Variants in UGT2B11 observed in about 807,000 individuals in gnomAD.
The protein encoded by UGT2B11 is UDP glucuronosyltransferase family 2 member B11.
A neutral mutation model predicts 51.7 loss-of-function variants in UGT2B11; 49 were observed. The observed-to-expected ratio is 0.95, with a 90% confidence interval of 0.75 to 1.20. The LOEUF (loss-of-function observed/expected upper bound fraction) is 1.20. Ranked by LOEUF, UGT2B11 falls within the 50% of genes most tolerant of loss-of-function variation. UGT2B11 has a pLI of 0.00. For synonymous variants in UGT2B11, 273 were observed against 209.0 expected (o/e 1.31, Z -2.64); for missense variants, 810 against 622.1 (o/e 1.30, Z -3.21).
At position 69,214,545 on chromosome 4, in the gene UGT2B11, C is replaced by A; in HGVS notation, c.178G>T (p.Ala60Ser). The A allele has an allele frequency of 6.2e-7, 1 of 1,613,164 alleles. No individual in the cohort carries two copies. Among genetic ancestry groups the A allele is most frequent in the Non-Finnish European group, 8.5e-7 (1 of 1,179,482 alleles). Residue 60 changes from alanine to serine, a missense_variant, in exon 1 of 6, where the codon GCT becomes TCT. Transcript: ENST00000446444. The stretch of plus-strand genomic sequence containing the variant: ...TCATTGGGATCAAAAAGAATGGAAG[C>A]TGAAGATGCCAGTACAGTCACCTCA... ...GHEVTVLASS[A>S]SILFDPNDAS...
rs4694697 is a variant in UGT2B11, at chr4:69,214,120, T to C, written c.603A>G (p.Leu201=). The C allele has an allele frequency of 0.44, 711,078 of 1,611,072 alleles. 162,440 individuals are homozygous for C. Among genetic ancestry groups the C allele is most frequent in the Non-Finnish European group, 0.48 (563,611 of 1,178,480 alleles). Residue 201 remains leucine (L), a synonymous_variant, in exon 1 of 6, where the codon TTA becomes TTG. Transcript: ENST00000446444. ...PSYIPIVMSK[L]SDQMTFMERV... ...TCTCCATGAAAGTCATTTGATCACT[T>C]AATTTTGACATAACAATAGGTATGT...
At chr4:69,209,468 A>G (rs1721978702) in intron 2 of UGT2B11, among the ~76,000 whole-genome samples, 1 of 151,700 alleles carries the variant, frequency 6.6e-6, no homozygotes, top group Non-Finnish European at 1.5e-5. Flanking sequence ...CCATTGATTG[A>G]GAATTATTCT....
Position 69,200,175 on chromosome 4 carries a change from C to T in UGT2B11, c.*265G>A. On this transcript the variant is annotated 3_prime_UTR_variant, in exon 6 of 6. Transcript: ENST00000446444. Reference sequence around the variant, plus strand: ...ATCTCAATATAAGTGCAACAAATTTCAATATGAGCTCAAATGGCTTTATAT... The same window carrying T: ...ATCTCAATATAAGTGCAACAAATTTTAATATGAGCTCAAATGGCTTTATAT... 1 of 312,620 alleles carries T rather than the reference C, an allele frequency of 3.2e-6. No homozygotes were observed. The highest frequency in any genetic ancestry group is 1.2e-3 in the Middle Eastern group (1 of 860). The allele number at this position is 312,620 out of a possible 1,614,324, so 19.4% of individuals were successfully genotyped here.
chr4:69,210,958 GA>G (rs1342728317), intron 2 of UGT2B11: 2 of 151,590 alleles, frequency 1.3e-5, no homozygotes, highest in African/African-American at 4.8e-5. Flanking sequence ...TATGCTGACA[GA>G]AGTTTCTTCA....
chr4:69,211,239 T>C (rs1437757365), intron 2 of UGT2B11: 2 of 151,570 alleles, frequency 1.3e-5, no homozygotes, highest in Non-Finnish European at 3.0e-5. Context: ...CCTGGGTTTG[T>C]CTGCACATAT....
At position 69,214,410 on chromosome 4, in the gene UGT2B11, A is replaced by C; in HGVS notation, c.313T>G (p.Phe105Val). The change falls in exon 1 of 6, where the codon TTT (phenylalanine) becomes GTT (valine). Residue 105 changes from phenylalanine to valine, a missense_variant. Coordinates refer to ENST00000446444, the MANE Select transcript of UGT2B11 (RefSeq NM_001073.3). ...KRWSDIRKDSFWLYFSQEQEI... is the reference protein window; with the variant it reads ...KRWSDIRKDSVWLYFSQEQEI... ...TGTTCTTGTGAAAAATATAACCAAA[A>C]GCTATCTTTTCGAATGTCTGACCAT... 6.2e-7 allele frequency: 1 copy of C among 1,613,090 alleles called. No individual in the cohort carries two copies. Among genetic ancestry groups the C allele is most frequent in the Non-Finnish European group, 8.5e-7 (1 of 1,179,490 alleles).
chr4:69,203,495 T>C (rs1466563722), intron 5 of UGT2B11, among the ~76,000 whole-genome samples: 1 of 151,730 alleles, frequency 6.6e-6, no homozygotes, highest in African/African-American at 2.4e-5. Context: ...ATTCCACTTA[T>C]AGTATCAACT....
intron 5 of UGT2B11, among the ~76,000 whole-genome samples, chr4:69,204,138 T>A (rs1043817856): frequency 6.6e-6 from 1 of 150,568 alleles, no homozygotes; most frequent in Non-Finnish European, 1.5e-5. Context: ...CTTCCTTTCT[T>A]CTATGGATTC....
rs1342809113 is a variant in UGT2B11 at position 69,200,281 on chromosome 4, CA to C, written c.*158del. 2 of 1,166,000 alleles carry C rather than the reference CA, an allele frequency of 1.7e-6. No homozygotes were observed. The highest frequency in any genetic ancestry group is 2.2e-6 in the Non-Finnish European group (2 of 907,154). The allele number at this position is 1,166,000 out of a possible 1,614,324, so 72.2% of individuals were successfully genotyped here. A position where few individuals can be genotyped will look rare whatever the true frequency, so the allele number is the denominator to read the frequency against. On this transcript the variant is annotated 3_prime_UTR_variant, in exon 6 of 6. Transcript: ENST00000446444. ...ACCTGGGTGGTAAATCTCTGAAAAA[CA>C]AATTTTTACTTGACAAGGTAGATTT...
intron 5 of UGT2B11, among the ~76,000 whole-genome samples, chr4:69,201,803 A>T (rs974977518): frequency 6.6e-6 from 1 of 151,838 alleles, no homozygotes; most frequent in Non-Finnish European, 1.5e-5. Flanking sequence ...ATCTCATAAA[A>T]TATACATTTA....
At chr4:69,224,119 C>T in the UGT2B11 span, among the ~76,000 whole-genome samples, 2 of 152,154 alleles carry the variant, frequency 1.3e-5, no homozygotes, top group Non-Finnish European at 2.9e-5. Context: ...CAGGGATCTT[C>T]CGGGCACCAT....
chr4:69,201,193 A>G (rs1251240909), intron 5 of UGT2B11: 1 of 152,260 alleles, frequency 6.6e-6, no homozygotes, highest in African/African-American at 2.4e-5. Flanking sequence ...CATGCTCAGC[A>G]TCATGAGCCA....
intron 3 of UGT2B11, among the ~76,000 whole-genome samples, chr4:69,207,096 C>A (rs1382616274): frequency 4.6e-5 from 7 of 151,230 alleles, no homozygotes; most frequent in African/African-American, 1.7e-4. Context: ...AAATGAGGAA[C>A]CTTTTGGTAT....
the UGT2B11 span, among the ~76,000 whole-genome samples, chr4:69,219,750 T>A: frequency 6.6e-6 from 1 of 152,000 alleles, no homozygotes; most frequent in Non-Finnish European, 1.5e-5. Flanking sequence ...ATGGGAAAAA[T>A]GCGCTACAAT....
chr4:69,222,584 A>T, the UGT2B11 span, among the ~76,000 whole-genome samples: 2 of 152,206 alleles, frequency 1.3e-5, no homozygotes, highest in African/African-American at 4.8e-5. Context: ...CTAAAGTACC[A>T]TAGATCCCCA....
In UGT2B11 at chr4:69,214,422, G is replaced by A. The variant is rs776369680; in HGVS notation, c.301C>T (p.Arg101Ter). The change falls in exon 1 of 6, where the codon CGA becomes TGA. Residue 101 changes from arginine to a stop codon, truncating the protein, a stop_gained. Coordinates refer to ENST00000446444, the MANE Select transcript of UGT2B11 (RefSeq NM_001073.3). LOFTEE classifies it high-confidence loss of function. ...MQQVKRWSDIRKDSFWLYFSQ... is the reference protein window; with the variant it reads ...MQQVKRWSDI ...AAATATAACCAAAAGCTATCTTTTCGAATGTCTGACCATCTCTTAACCTGT... is the reference window on the plus strand; with the variant it reads ...AAATATAACCAAAAGCTATCTTTTCAAATGTCTGACCATCTCTTAACCTGT... The A allele has an allele frequency of 4.3e-6, 7 of 1,612,836 alleles. No homozygotes were observed. The highest frequency in any genetic ancestry group is 1.1e-5 in the South Asian group (1 of 91,020).
rs1343922020 is a variant in UGT2B11 at position 69,212,243 on chromosome 4, G to C, written c.870+330C>G. 2.6e-5 allele frequency among the ~76,000 whole-genome samples: 4 copies of C among 151,566 alleles called. No homozygotes were observed. The East Asian group carries it at 7.8e-4, about 30-fold the overall frequency. ...TCTATTTTTTTTCTCTGAAATTTCT[G>C]CACTTACTTGTGTTTTGTGCTAATC... is the stretch of plus-strand genomic sequence containing the variant. On this transcript the variant is annotated intron_variant, in intron 2 of 5. Coordinates refer to ENST00000446444, the MANE Select transcript of UGT2B11 (RefSeq NM_001073.3).
intron 2 of UGT2B11, among the ~76,000 whole-genome samples, chr4:69,208,910 G>A (rs575788091): frequency 6.6e-6 from 1 of 151,712 alleles, no homozygotes; most frequent in South Asian, 2.1e-4. Flanking sequence ...GTTTTCTGTA[G>A]AATTCTTTTA....
intron 5 of UGT2B11, among the ~76,000 whole-genome samples, chr4:69,203,170 G>A (rs545686283): frequency 6.6e-6 from 1 of 151,612 alleles, no homozygotes; most frequent in South Asian, 2.1e-4. Context: ...TTAATAATAA[G>A]ACAAATAGAA....
Sources: gnomAD v4.1 joint callset for allele counts (sites outside exome capture counted in the v4.1 genomes callset) on GRCh38, gnomAD v4.1.1 for gene constraint, MANE v1.5 for transcripts, NCBI Gene and HGNC (gene_info 2026-07-23, HGNC 2026-07-21) for gene names.